The following CSMD1 variants were observed in gnomAD, a reference collection of about 807,000 sequenced individuals.
CSMD1 encodes CUB and Sushi multiple domains 1.
CSMD1 carries 213 observed loss-of-function variants against 417.5 expected under a neutral mutation model. That is an observed-to-expected ratio of 0.51 (90% CI 0.46 to 0.57). CSMD1 has a LOEUF of 0.57. Ranked by LOEUF, CSMD1 falls within the 20% of genes least tolerant of loss-of-function variation. The probability of loss-of-function intolerance (pLI) is 0.00; values close to 1 mark genes in which losing one functional copy is unlikely to be tolerated. For synonymous variants in CSMD1, 2,862 were observed against 1,736.8 expected, an observed-to-expected ratio of 1.65 and a Z score of -16.11; for missense variants, 6,923 against 4,529.7, an observed-to-expected ratio of 1.53 and a Z score of -15.17.
At chr8:3,913,569 G>C (rs532365264) in intron 5 of CSMD1, among the ~76,000 whole-genome samples, 52 of 152,156 alleles carry the variant, frequency 3.4e-4, no homozygotes, top group Non-Finnish European at 5.1e-4. Context: ...CAAAGAATAC[G>C]GTCAGTGAGT....
chr8:4,859,127 C>T (rs1434079836), intron 1 of CSMD1, among the ~76,000 whole-genome samples: 1 of 152,192 alleles, frequency 6.6e-6, no homozygotes, highest in African/African-American at 2.4e-5. Context: ...CTGCAACTAT[C>T]TGATCTTTGA....
At chr8:3,377,839 G>C (rs768789274) in intron 18 of CSMD1, among the ~76,000 whole-genome samples, 1 of 152,140 alleles carries the variant, frequency 6.6e-6, no homozygotes, top group Admixed American at 6.5e-5. Context: ...TGACTGTATT[G>C]AGTATGTAAA....
intron 1 of CSMD1, among the ~76,000 whole-genome samples, chr8:4,785,054 T>C (rs946877550): frequency 6.6e-6 from 1 of 152,214 alleles, no homozygotes; most frequent in Admixed American, 6.5e-5. Context: ...GAAGTGGATA[T>C]TTATATAACT....
chr8:3,984,374 C>G (rs1485799677), intron 5 of CSMD1, among the ~76,000 whole-genome samples: 1 of 152,068 alleles, frequency 6.6e-6, no homozygotes, highest in Non-Finnish European at 1.5e-5. Flanking sequence ...TCTCTGTTTT[C>G]CTATTTAGAC....
intron 1 of CSMD1, among the ~76,000 whole-genome samples, chr8:4,878,487 C>CATGATG (rs543113293): frequency 9.6e-4 from 145 of 151,346 alleles, no homozygotes; most frequent in African/African-American, 3.4e-3. Context: ...AGCATAGAAT[C>CATGATG]ATGATGATGA....
intron 49 of CSMD1, among the ~76,000 whole-genome samples, chr8:3,062,556 T>C (rs1010301848): frequency 7.9e-6 from 1 of 127,330 alleles, no homozygotes; most frequent in African/African-American, 2.9e-5. Context: ...ACAAAACACA[T>C]TAAAAAAAAA....
intron 2 of CSMD1, among the ~76,000 whole-genome samples, chr8:4,433,801 C>G (rs940780283): frequency 1.3e-5 from 2 of 151,932 alleles, no homozygotes; most frequent in African/African-American, 4.8e-5. Flanking sequence ...TTACCTCTGT[C>G]CTTTGCAAGA....
At chr8:3,392,822 G>A (rs1208414447) in intron 17 of CSMD1, among the ~76,000 whole-genome samples, 1 of 152,036 alleles carries the variant, frequency 6.6e-6, no homozygotes, top group Non-Finnish European at 1.5e-5. Flanking sequence ...TGAGTGGGTT[G>A]CGAGCCTCTG....
chr8:3,688,409 T>G (rs1800056761), intron 7 of CSMD1, among the ~76,000 whole-genome samples: 1 of 152,236 alleles, frequency 6.6e-6, no homozygotes, highest in Non-Finnish European at 1.5e-5. Context: ...GCTTTGAATT[T>G]AGATTTTAGA....
In CSMD1 at chr8:2,950,348, G is replaced by A; in HGVS notation, c.10202-5C>T. The A allele has an allele frequency of 2.5e-6, 4 of 1,569,826 alleles. No homozygotes were observed. Among genetic ancestry groups the A allele is most frequent in the Non-Finnish European group, 3.5e-6 (4 of 1,139,750 alleles). ...CCTCCTCCTTCTTGTAAATGCCTGT[G>A]AAAAGATCAGCAGTTTAGGCTTACC... is the stretch of plus-strand genomic sequence containing the variant. On this transcript the variant is annotated splice_polypyrimidine_tract_variant and splice_region_variant and intron_variant, in intron 66 of 69. Coordinates refer to ENST00000635120, the MANE Select transcript of CSMD1 (RefSeq NM_033225.6).
At chr8:3,100,997 G>C (rs375396816) in intron 46 of CSMD1, among the ~76,000 whole-genome samples, 12 of 151,432 alleles carry the variant, frequency 7.9e-5, no homozygotes, top group African/African-American at 2.9e-4. Context: ...TGCTGCTTTC[G>C]AATGATCATT....
At chr8:4,044,855 G>T (rs1355756339) in intron 3 of CSMD1, among the ~76,000 whole-genome samples, 2 of 128,826 alleles carry the variant, frequency 1.6e-5, no homozygotes, top group Non-Finnish European at 3.5e-5. Context: ...CCATGCTGGG[G>T]ACTGCACCAT....
At chr8:4,192,271 T>C (rs898257369) in intron 3 of CSMD1, among the ~76,000 whole-genome samples, 1 of 152,194 alleles carries the variant, frequency 6.6e-6, no homozygotes, top group Non-Finnish European at 1.5e-5. Context: ...GATGACTGTC[T>C]AGATAATAAT....
intron 2 of CSMD1, among the ~76,000 whole-genome samples, chr8:4,555,515 C>G (rs1798050851): frequency 6.6e-6 from 1 of 152,160 alleles, no homozygotes; most frequent in Non-Finnish European, 1.5e-5. Context: ...ACTTGGTTTT[C>G]TACTCTCCAT....
chr8:3,557,477 G>T (rs1381515627), intron 10 of CSMD1, among the ~76,000 whole-genome samples: 1 of 152,100 alleles, frequency 6.6e-6, no homozygotes, highest in South Asian at 2.1e-4. Context: ...TCCTTGAAAA[G>T]ATAATTTAAA....
chr8:3,683,598 A>C (rs988523120), intron 7 of CSMD1, among the ~76,000 whole-genome samples: 1 of 152,136 alleles, frequency 6.6e-6, no homozygotes, highest in African/African-American at 2.4e-5. Context: ...TTTGAATATC[A>C]TTCTTCTGCC....
At chr8:3,930,935 G>A (rs1055401570) in intron 5 of CSMD1, among the ~76,000 whole-genome samples, 9 of 150,384 alleles carry the variant, frequency 6.0e-5, no homozygotes, top group Non-Finnish European at 1.3e-4. Context: ...ATTGTTGCTA[G>A]GATTCTTAAA....
At chr8:4,084,911 C>G (rs1585280664) in intron 3 of CSMD1, among the ~76,000 whole-genome samples, 1 of 151,726 alleles carries the variant, frequency 6.6e-6, no homozygotes. Flanking sequence ...AAAACAAAAA[C>G]AAAAACAAAA....
chr8:4,348,207 G>A (rs1256005678), intron 3 of CSMD1, among the ~76,000 whole-genome samples: 1 of 152,192 alleles, frequency 6.6e-6, no homozygotes, highest in East Asian at 1.9e-4. Context: ...CTGGGAAAAT[G>A]TATATAAGAA....
Sources: allele counts gnomAD v4.1 joint callset (sites outside exome capture counted in the v4.1 genomes callset), GRCh38; gene constraint gnomAD v4.1.1; transcripts MANE v1.5; gene names NCBI Gene and HGNC (gene_info 2026-07-23, HGNC 2026-07-21).